Variants in NRSN1 observed in about 807,000 individuals in gnomAD.
NRSN1 encodes the protein neurensin-1.
NRSN1 carries 14 observed loss-of-function variants against 17.3 expected under a neutral mutation model. That is an observed-to-expected ratio of 0.81 (90% confidence interval 0.54 to 1.27). The LOEUF (loss-of-function observed/expected upper bound fraction) is 1.27, where lower values mean the gene tolerates loss of function less well. Among genes scored for constraint, NRSN1 ranks in the 50% most tolerant of loss-of-function variants. The pLI, the probability that NRSN1 is intolerant of heterozygous loss-of-function variation, is 0.00. For synonymous variants in NRSN1, 79 were observed against 94.2 expected (o/e 0.84, Z 0.93); for missense variants, 209 against 235.9 (o/e 0.89, Z 0.75).
chr6:24,133,496 G>A (rs766267374), intron 2 of NRSN1, among the ~76,000 whole-genome samples: 6 of 152,128 alleles, frequency 3.9e-5, no homozygotes, highest in Non-Finnish European at 8.8e-5. Flanking sequence ...GTAATGCGGT[G>A]TAGATTCCAC....
intron 3 of NRSN1, among the ~76,000 whole-genome samples, chr6:24,142,212 T>TTTTTTTTTTC (rs1484150562): frequency 3.6e-3 from 484 of 134,148 alleles, no homozygotes; most frequent in Non-Finnish European, 6.1e-3. Context: ...TTTTTTTTTT[T>TTTTTTTTTTC]TTCAGAAGAC....
chr6:24,129,820 C>T (rs1760001338), intron 2 of NRSN1: 1 of 152,114 alleles, frequency 6.6e-6, no homozygotes, highest in South Asian at 2.1e-4. Flanking sequence ...CATTTATCAG[C>T]AAGTAGAGCA....
At chr6:24,142,784 C>T (rs1263611575) in intron 3 of NRSN1, among the ~76,000 whole-genome samples, 1 of 152,084 alleles carries the variant, frequency 6.6e-6, no homozygotes, top group Non-Finnish European at 1.5e-5. Flanking sequence ...GTAGTGCGGA[C>T]CCAGAGTCAG....
chr6:24,140,449 C>T (rs1760186563), intron 3 of NRSN1, among the ~76,000 whole-genome samples: 1 of 152,200 alleles, frequency 6.6e-6, no homozygotes, highest in African/African-American at 2.4e-5. Flanking sequence ...CTTCATAAAG[C>T]TCAGTGTCAA....
intron 3 of NRSN1, among the ~76,000 whole-genome samples, chr6:24,142,288 G>T (rs1760223255): frequency 7.3e-6 from 1 of 136,186 alleles, no homozygotes; most frequent in African/African-American, 2.7e-5. Flanking sequence ...ACATATGGTG[G>T]CTAAAACTCC....
At chr6:24,137,375 T>C (rs192578107) in intron 3 of NRSN1, among the ~76,000 whole-genome samples, 21 of 152,332 alleles carry the variant, frequency 1.4e-4, no homozygotes, top group Admixed American at 3.9e-4. Context: ...GGGATTCTGA[T>C]GTAAATAAGA....
rs558983680 is a variant in NRSN1, at chr6:24,128,255, AGAT to A, written c.-10+56_-10+58del. ...TCATAAGCACCCTGTGTATGCATGT[AGAT>A]AAAGAAGAGATTAAAAGAGAATATG... is the stretch of plus-strand genomic sequence containing the variant. On this transcript the variant is annotated intron_variant, in intron 2 of 3. Transcript: ENST00000378491. 424 of 152,358 alleles carry A rather than the reference AGAT, an allele frequency of 2.8e-3. 1 individual carries two copies. The highest frequency in any genetic ancestry group is 9.8e-3 in the African/African-American group (407 of 41,582). 9.4% of individuals were successfully genotyped at this position (152,358 alleles called of 1,614,324 possible). A position where few individuals can be genotyped will look rare whatever the true frequency, so the allele number is the denominator to read the frequency against.
In NRSN1 at chr6:24,146,453, C is replaced by T. The variant is rs965871689; in HGVS notation, c.*507C>T. The stretch of plus-strand genomic sequence containing the variant: ...CATGAGTTTTTAGACTGTATCTTGA[C>T]ATGAGGTTCCTGACATTGGATACAA... On this transcript the variant is annotated 3_prime_UTR_variant, in exon 4 of 4. Transcript: ENST00000378491. 2.8e-6 allele frequency: 1 copy of T among 356,096 alleles called. No homozygotes were observed. Among genetic ancestry groups the T allele is most frequent in the African/African-American group, 2.1e-5 (1 of 46,658 alleles). The allele number at this position is 356,096 out of a possible 1,614,324, so 22.1% of individuals were successfully genotyped here. A position where few individuals can be genotyped will look rare whatever the true frequency, so the allele number is the denominator to read the frequency against.
intron 3 of NRSN1, among the ~76,000 whole-genome samples, chr6:24,142,322 A>G (rs1760223617): frequency 6.8e-6 from 1 of 146,956 alleles, no homozygotes; most frequent in Non-Finnish European, 1.5e-5. Context: ...TAAAAATAAT[A>G]GAAAGAAATA....
At chr6:24,139,119 CT>C (rs1760160088) in intron 3 of NRSN1, among the ~76,000 whole-genome samples, 1 of 152,284 alleles carries the variant, frequency 6.6e-6, no homozygotes, top group East Asian at 1.9e-4. Context: ...TCCCAATCCC[CT>C]CTCCCACTCC....
chr6:24,127,381 T>G (rs1759965062), intron 1 of NRSN1, among the ~76,000 whole-genome samples: 1 of 152,220 alleles, frequency 6.6e-6, no homozygotes, highest in East Asian at 1.9e-4. Context: ...ACCTCAAGTC[T>G]TCAGGTTCTC....
chr6:24,137,177 T>G (rs370261443), intron 3 of NRSN1, among the ~76,000 whole-genome samples: 1 of 152,218 alleles, frequency 6.6e-6, no homozygotes, highest in African/African-American at 2.4e-5. Flanking sequence ...AGTGCTTTGA[T>G]AGGACTCTGC....
intron 3 of NRSN1, chr6:24,140,906 A>T: frequency 7.7e-7 from 1 of 1,303,570 alleles, no homozygotes; most frequent in Non-Finnish European, 9.8e-7. Context: ...TTTCCTTTCC[A>T]ATTTTCCTTT....
chr6:24,127,857 T>C (rs561058567), intron 1 of NRSN1, among the ~76,000 whole-genome samples: 218 of 152,326 alleles, frequency 1.4e-3, no homozygotes, highest in African/African-American at 5.1e-3. Context: ...TATGTAAAAA[T>C]GAGAATAGCA....
Position 24,146,499 on chromosome 6 carries a change from C to G in NRSN1, c.*553C>G, listed in dbSNP as rs2090677562. The G allele has an allele frequency of 2.9e-6, 1 of 340,760 alleles. No homozygotes were observed. Among genetic ancestry groups the G allele is most frequent in the African/African-American group, 2.2e-5 (1 of 46,142 alleles). The allele number at this position is 340,760 out of a possible 1,614,324, so 21.1% of individuals were successfully genotyped here. ...TACAAAGTTATCAGCATTCACAAAT[C>G]TTTTTGTTTTCTCCATTTTTTTTCC... On this transcript the variant is annotated 3_prime_UTR_variant, in exon 4 of 4. Coordinates refer to ENST00000378491, the MANE Select transcript of NRSN1 (RefSeq NM_080723.5).
At chr6:24,141,094 G>C in intron 3 of NRSN1, 2 of 1,395,406 alleles carry the variant, frequency 1.4e-6, no homozygotes, top group Non-Finnish European at 1.9e-6. Flanking sequence ...GCTCTGCTGA[G>C]CCTGGAGGAG....
At chr6:24,141,029 G>A (rs775812196) in intron 3 of NRSN1, 15 of 1,475,864 alleles carry the variant, frequency 1.0e-5, no homozygotes, top group South Asian at 1.4e-5. Context: ...ACCACCTGGA[G>A]AGGCCCTTCT....
Position 24,145,740 on chromosome 6 carries a change from A to C in NRSN1, c.382A>C (p.Thr128Pro), listed in dbSNP as rs780892047. 1.2e-6 allele frequency: 2 copies of C among 1,614,110 alleles called. No homozygotes were observed. The highest frequency in any genetic ancestry group is 2.2e-5 in the South Asian group (2 of 91,076). The change falls in exon 4 of 4, where the codon ACG becomes CCG. Residue 128 changes from threonine to proline, a missense_variant. Transcript: ENST00000378491. This position sits in a 1 kb window ranked among gnomAD's most constrained non-coding sequence, Gnocchi z 4.4. ...AGAVLFCIGG[T>P]SMAGCLLMSV... ...AGCTGTTCTCTTCTGCATTGGAGGC[A>C]CGTCCATGGCAGGGTGCCTGCTGAT...
intron 2 of NRSN1, among the ~76,000 whole-genome samples, chr6:24,131,763 T>C (rs1227574041): frequency 6.6e-6 from 1 of 152,208 alleles, no homozygotes; most frequent in Non-Finnish European, 1.5e-5. Flanking sequence ...CTTCATTGTA[T>C]AAGCATTAAA....
Sources: gnomAD v4.1 joint callset for allele counts (sites outside exome capture counted in the v4.1 genomes callset) on GRCh38, gnomAD v4.1.1 for gene constraint, Gnocchi (gnomAD v3.1) non-coding constraint, MANE v1.5 for transcripts, NCBI Gene and HGNC (gene_info 2026-07-23, HGNC 2026-07-21) for gene names.